Variants in KLF5 observed in about 807,000 individuals in gnomAD.
KLF5 encodes Krueppel-like factor 5.
Under a neutral mutation model 36.9 loss-of-function variants are expected in KLF5, and 9 were observed. That is an observed-to-expected ratio of 0.24 (90% CI 0.15 to 0.43). The LOEUF is 0.43. Ranked by LOEUF, KLF5 falls within the 20% of genes least tolerant of loss-of-function variation. The pLI, the probability that KLF5 is intolerant of heterozygous loss-of-function variation, is 1.00. For synonymous variants in KLF5, 246 were observed against 241.7 expected, an observed-to-expected ratio of 1.02 and a Z score of -0.17; for missense variants, 524 against 599.5, an observed-to-expected ratio of 0.87 and a Z score of 1.31.
rs2139099924 is a variant in KLF5 at position 73,059,413 on chromosome 13, A to C, written c.86A>C (p.Gln29Pro). 1 of 1,364,712 alleles carries C rather than the reference A, an allele frequency of 7.3e-7. No individual in the cohort carries two copies. The highest frequency in any genetic ancestry group is 3.1e-5 in the East Asian group (1 of 32,402). The allele number at this position is 1,364,712 out of a possible 1,614,324, so 84.5% of individuals were successfully genotyped here. A position where few individuals can be genotyped will look rare whatever the true frequency, so the allele number is the denominator to read the frequency against. ...CCGCAGGACGAGCCGGTGTTCGCGC[A>C]GCTCAAGCCGGTGCTGGGCGCCGCG... is the stretch of plus-strand genomic sequence containing the variant. Reference protein sequence around the residue: ...PAPQDEPVFAQLKPVLGAANP... With the variant: ...PAPQDEPVFAPLKPVLGAANP... Residue 29 changes from glutamine to proline, a missense_variant, in exon 1 of 4, where the codon CAG (glutamine) becomes CCG (proline). Gln to Pro is a moderately conservative substitution (Grantham distance 76, BLOSUM62 -1). Transcript: ENST00000377687.
Position 73,061,366 on chromosome 13 carries a change from T to A in KLF5, c.262-495T>A, listed in dbSNP as rs879375757. Among the ~76,000 whole-genome samples, 17 of 152,178 alleles carry A rather than the reference T, an allele frequency of 1.1e-4. 1 individual carries two copies. Among genetic ancestry groups the A allele is most frequent in the Admixed American group, 4.6e-4 (7 of 15,274 alleles). On this transcript the variant is annotated intron_variant, in intron 1 of 3. Transcript: ENST00000377687. ...TTTATATTACTTTTGAAGTATCTAG[T>A]CAAGAAAAGAAACCTGTGCAATATT...
rs2139100130 is a variant in KLF5 at position 73,059,522 on chromosome 13, G to T, written c.195G>T (p.Ala65=). 8.3e-7 allele frequency: 1 copy of T among 1,198,948 alleles called. No homozygotes were observed. The highest frequency in any genetic ancestry group is 1.0e-6 in the Non-Finnish European group (1 of 970,590). 74.3% of individuals were successfully genotyped at this position (1,198,948 alleles called of 1,614,324 possible). The change falls in exon 1 of 4, where the codon GCG becomes GCT. Residue 65 remains alanine, a synonymous_variant. Coordinates refer to ENST00000377687, the MANE Select transcript of KLF5 (RefSeq NM_001730.5). The part of the protein sequence containing the change: ...HHRPQAQPAP[A]QAPQPAQPPA... ...GCCCGCAGGCGCAGCCCGCGCCCGC[G>T]CAGGCCCCGCAGCCGGCCCAGCCGC... is the stretch of plus-strand genomic sequence containing the variant.
Position 73,062,130 on chromosome 13 carries a change from C to CCCT in KLF5, c.537_539dup (p.Pro180dup), listed in dbSNP as rs757521241. The CCCT allele has an allele frequency of 1.1e-5, 18 of 1,613,978 alleles. No homozygotes were observed. In the African/African-American group the frequency reaches 2.3e-4, roughly 20 times the overall value. On this transcript the variant is annotated inframe_insertion, in exon 2 of 4. Coordinates refer to ENST00000377687, the MANE Select transcript of KLF5 (RefSeq NM_001730.5). ...TCAGCCACCAGAGTGAAACGACTGC[C>CCCT]CCTCCTCCGGCCCCGACCCAGGCCC...
rs1207255959 is a variant in KLF5 at position 73,059,284 on chromosome 13, G to T, written c.-44G>T. The T allele has an allele frequency of 1.5e-6, 2 of 1,326,892 alleles. No homozygotes were observed. The highest frequency in any genetic ancestry group is 1.9e-5 in the South Asian group (1 of 53,382). 82.2% of individuals were successfully genotyped at this position (1,326,892 alleles called of 1,614,324 possible). On this transcript the variant is annotated 5_prime_UTR_variant, in exon 1 of 4. Transcript: ENST00000377687. ...ACCCAAGCCAGCGTGGGCGAGGTGG[G>T]AAGTGCGCCCGACCCGCGCCTGGAG...
intron 3 of KLF5, 122 bp downstream of exon 3, chr13:73,064,005 A>G (rs1282127747): frequency 4.9e-6 from 2 of 407,648 alleles, no homozygotes; most frequent in Admixed American, 9.7e-5. Flanking sequence ...TTTTTTTTTT[A>G]AATAGCCTAC....
At chr13:73,067,680 G>C (rs1016914490) in intron 3 of KLF5, among the ~76,000 whole-genome samples, 1 of 152,126 alleles carries the variant, frequency 6.6e-6, no homozygotes, top group Non-Finnish European at 1.5e-5. Flanking sequence ...CTTGGCTCAA[G>C]TATTCCTCAG....
upstream of KLF5, among the ~76,000 whole-genome samples, chr13:73,058,541 A>C (rs957678814): frequency 6.6e-6 from 1 of 152,222 alleles, no homozygotes; most frequent in African/African-American, 2.4e-5. Flanking sequence ...CATTAGACAA[A>C]TCTCTAAAAG....
chr13:73,065,783 C>T (rs928985137), intron 3 of KLF5, among the ~76,000 whole-genome samples: 14 of 151,984 alleles, frequency 9.2e-5, no homozygotes, highest in Admixed American at 8.5e-4. Flanking sequence ...TTTAAAGTCT[C>T]CTAATAAAAG....
At chr13:73,075,576 T>C (rs1046714214) in intron 3 of KLF5, 132 bp from the exon 4 acceptor site, 2 of 716,400 alleles carry the variant, frequency 2.8e-6, no homozygotes, top group African/African-American at 3.5e-5. Flanking sequence ...TATTTACTCA[T>C]AATGGAATTC....
At chr13:73,071,972 A>G (rs372434907) in intron 3 of KLF5, among the ~76,000 whole-genome samples, 15 of 152,232 alleles carry the variant, frequency 9.9e-5, no homozygotes, top group African/African-American at 3.1e-4. Flanking sequence ...TTTTAGCTTT[A>G]TCAGATATTG....
rs544930323 is a variant in KLF5 at position 73,062,793 on chromosome 13, G to GTC, written c.1135+60_1135+61insCT. On this transcript the variant is annotated intron_variant, in intron 2 of 3. Transcript: ENST00000377687. ...ATGTAGTGTGTGTGTGTGTGTGTCT[G>GTC]TGTGCGCGCGCGTGTGCGTGTGTGC... 8.8e-4 allele frequency: 1,221 copies of GTC among 1,392,660 alleles called. 1 individual carries two copies. The African/African-American group carries it at 0.014, about 16-fold the overall frequency. 86.3% of individuals were successfully genotyped at this position (1,392,660 alleles called of 1,614,324 possible).
At chr13:73,063,600 T>G (rs1012129898) in intron 2 of KLF5, among the ~76,000 whole-genome samples, 3 of 152,216 alleles carry the variant, frequency 2.0e-5, no homozygotes, top group Non-Finnish European at 4.4e-5. Context: ...TTGGCTTGAT[T>G]ATCTGTATTC....
At chr13:73,056,102 T>C (rs923718658), upstream of KLF5, among the ~76,000 whole-genome samples, 1 of 151,870 alleles carries the variant, frequency 6.6e-6, no homozygotes, top group African/African-American at 2.4e-5. Flanking sequence ...TCCCCCAACA[T>C]TGAATGCCTG....
chr13:73,067,335 C>T (rs1034575246), intron 3 of KLF5, among the ~76,000 whole-genome samples: 2 of 152,058 alleles, frequency 1.3e-5, no homozygotes, highest in Non-Finnish European at 2.9e-5. Flanking sequence ...AAAATAATGT[C>T]TAAGTTTGCA....
chr13:73,061,060 A>G (rs1320012632), intron 1 of KLF5, among the ~76,000 whole-genome samples: 3 of 152,070 alleles, frequency 2.0e-5, no homozygotes, highest in African/African-American at 7.2e-5. Context: ...TGCTAGGGAT[A>G]CAGCAGCCTC....
chr13:73,074,678 T>TGG (rs1208715966), intron 3 of KLF5, among the ~76,000 whole-genome samples: 1 of 152,174 alleles, frequency 6.6e-6, no homozygotes, highest in Non-Finnish European at 1.5e-5. Context: ...TGGCAAGCTT[T>TGG]GGGGAGCATT....
intron 3 of KLF5, among the ~76,000 whole-genome samples, chr13:73,074,784 A>G (rs891289936): frequency 6.6e-6 from 1 of 152,212 alleles, no homozygotes; most frequent in Non-Finnish European, 1.5e-5. Context: ...TAGGTTGAAC[A>G]ATTTCAGACT....
chr13:73,064,581 G>T (rs2044665588), intron 3 of KLF5, among the ~76,000 whole-genome samples: 1 of 152,140 alleles, frequency 6.6e-6, no homozygotes, highest in Non-Finnish European at 1.5e-5. Context: ...GTCTTGCTCT[G>T]TTGCCAGGCT....
chr13:73,061,895 A>G lies in KLF5; in HGVS notation c.296A>G (p.Gln99Arg), dbSNP rs2044637572. 1.2e-6 allele frequency: 2 copies of G among 1,613,812 alleles called. No individual in the cohort carries two copies. The highest frequency in any genetic ancestry group is 8.5e-7 in the Non-Finnish European group (1 of 1,179,706). The change falls in exon 2 of 4, where the codon CAG (glutamine) becomes CGG (arginine). Residue 99 changes from glutamine (Q) to arginine (R), a missense_variant. Coordinates refer to ENST00000377687, the MANE Select transcript of KLF5 (RefSeq NM_001730.5). ...RCEMEKYLTP[Q>R]LPPVPIIPEH... ...GAAATGGAGAAGTATCTGACACCTC[A>G]GCTTCCTCCAGTTCCTATAATTCCA...
Sources: gnomAD v4.1 joint callset for allele counts (sites outside exome capture counted in the v4.1 genomes callset) on GRCh38, gnomAD v4.1.1 for gene constraint, MANE v1.5 for transcripts, NCBI Gene and HGNC (gene_info 2026-07-23, HGNC 2026-07-21) for gene names.